PDE4D: variants seen among roughly 807,000 people sequenced by gnomAD.
PDE4D encodes the protein phosphodiesterase 4D, also known as 3',5'-cyclic-AMP phosphodiesterase 4D.
A neutral mutation model predicts 87.4 loss-of-function variants in PDE4D; 24 were observed. That is an observed-to-expected ratio of 0.27 (90% CI 0.20 to 0.39). The LOEUF (loss-of-function observed/expected upper bound fraction) is 0.39, where lower values mean the gene tolerates loss of function less well. PDE4D is among the 10% of genes least tolerant of loss of function. The pLI, the probability that PDE4D is intolerant of heterozygous loss-of-function variation, is 1.00. For synonymous variants in PDE4D, 384 were observed against 383.2 expected, an observed-to-expected ratio of 1.00 and a Z score of -0.02; for missense variants, 714 against 1,041.0, an observed-to-expected ratio of 0.69 and a Z score of 4.32.
chr5:59,955,415 G>A (rs1758719585), intron 3 of PDE4D, among the ~76,000 whole-genome samples: 1 of 152,082 alleles, frequency 6.6e-6, no homozygotes, highest in Non-Finnish European at 1.5e-5. Context: ...TGTTCAGTGG[G>A]TGCCTGCCAA....
intron 1 of PDE4D, among the ~76,000 whole-genome samples, chr5:59,437,230 T>G (rs577922519): frequency 6.6e-5 from 10 of 152,152 alleles, no homozygotes; most frequent in African/African-American, 2.4e-4. Flanking sequence ...TTAAATGGAG[T>G]GGCATTTTGC....
rs112984159 is a variant in PDE4D at position 59,243,724 on chromosome 5, T to C, written c.456-27756A>G. On this transcript the variant is annotated intron_variant, in intron 1 of 14. Transcript: ENST00000340635. ...ATCTGCCTGCCTCAGCCTCCCAAAG[T>C]GCTGGAATTACAGGCGTGAGCCACC... is the stretch of plus-strand genomic sequence containing the variant. Among the ~76,000 whole-genome samples the C allele has an allele frequency of 1.1e-4, 17 of 152,138 alleles. 1 individual carries two copies. Among genetic ancestry groups the C allele is most frequent in the African/African-American group, 4.1e-4 (17 of 41,512 alleles).
intron 1 of PDE4D, among the ~76,000 whole-genome samples, chr5:59,358,556 C>T (rs760111788): frequency 2.6e-5 from 4 of 152,060 alleles, no homozygotes; most frequent in East Asian, 1.9e-4. Flanking sequence ...TTTCCATTTT[C>T]GGCAGCTCTT....
At chr5:59,317,670 C>T (rs1220380772) in intron 1 of PDE4D, among the ~76,000 whole-genome samples, 1 of 152,078 alleles carries the variant, frequency 6.6e-6, no homozygotes, top group Non-Finnish European at 1.5e-5. Context: ...ACACAGTGAA[C>T]CAGCAGAAGA....
intron 1 of PDE4D, among the ~76,000 whole-genome samples, chr5:59,762,208 ATATGTGTATATGGGTACACATATGCG>A (rs1226864483): frequency 7.4e-6 from 1 of 135,226 alleles, no homozygotes; most frequent in Non-Finnish European, 1.7e-5. Flanking sequence ...ACATATGCGT[ATATGTGTATATGGGTACACATATGCG>A]TATATGTGTA....
intron 1 of PDE4D, among the ~76,000 whole-genome samples, chr5:60,195,880 T>G (rs1741159888): frequency 6.6e-6 from 1 of 151,768 alleles, no homozygotes; most frequent in African/African-American, 2.4e-5. Flanking sequence ...ACTGATGTTT[T>G]TCCCCACGTA....
Position 60,172,500 on chromosome 5 carries a change from G to T in PDE4D, c.42+13057C>A, listed in dbSNP as rs77696183. Among the ~76,000 whole-genome samples the T allele has an allele frequency of 2.0e-3, 309 of 152,066 alleles. 6 individuals are homozygous for T. Among genetic ancestry groups the T allele is most frequent in the Admixed American group, 0.016 (243 of 15,248 alleles). Reference sequence around the variant, plus strand: ...TTGTTCCAATTCCACAGCAATCATTGCTTTCACTCTGCCCCTGCTACCTTT... The same window carrying T: ...TTGTTCCAATTCCACAGCAATCATTTCTTTCACTCTGCCCCTGCTACCTTT... On this transcript the variant is annotated intron_variant, in intron 2 of 16. Transcript: ENST00000502484.
In PDE4D at chr5:59,535,185, A is replaced by G. The variant is rs116606396; in HGVS notation, c.456-319217T>C. On this transcript the variant is annotated intron_variant, in intron 1 of 14. Coordinates refer to ENST00000340635, the MANE Select transcript of PDE4D (RefSeq NM_001104631.2). ...TGGGAGTCCGAGCAAGTAGGGATGC[A>G]TTTCTTAACCAGCAGTTCTTTAAGT... 5.6e-3 allele frequency among the ~76,000 whole-genome samples: 859 copies of G among 152,114 alleles called. 16 individuals are homozygous for G. Among genetic ancestry groups the G allele is most frequent in the African/African-American group, 0.02 (835 of 41,478 alleles).
chr5:59,004,270 A>C (rs1751129161), intron 6 of PDE4D, among the ~76,000 whole-genome samples: 1 of 152,234 alleles, frequency 6.6e-6, no homozygotes, highest in Non-Finnish European at 1.5e-5. Context: ...ATAACTGATT[A>C]GCTGTGTGAC....
intron 1 of PDE4D, among the ~76,000 whole-genome samples, chr5:60,218,959 T>G (rs920790012): frequency 6.6e-6 from 1 of 152,154 alleles, no homozygotes; most frequent in Non-Finnish European, 1.5e-5. Context: ...TATCCACCTC[T>G]TCTAAAAGCA....
intron 2 of PDE4D, among the ~76,000 whole-genome samples, chr5:60,093,739 A>T (rs1775378575): frequency 6.6e-6 from 1 of 152,106 alleles, no homozygotes. Context: ...ATTAAAAAAT[A>T]ATTCTCCACT....
intron 2 of PDE4D, among the ~76,000 whole-genome samples, chr5:60,044,823 A>G (rs573924420): frequency 6.6e-6 from 1 of 152,340 alleles, no homozygotes; most frequent in Admixed American, 6.5e-5. Flanking sequence ...CACAATAAAC[A>G]TACGTGTGCA....
At chr5:60,309,428 AC>A (rs1318981644) in intron 1 of PDE4D, among the ~76,000 whole-genome samples, 2 of 152,202 alleles carry the variant, frequency 1.3e-5, no homozygotes, top group African/African-American at 4.8e-5. Context: ...GGATCCTGAA[AC>A]TTTGACATTA....
chr5:59,189,689 A>T (rs1440092811), intron 3 of PDE4D, among the ~76,000 whole-genome samples: 1 of 152,112 alleles, frequency 6.6e-6, no homozygotes, highest in Non-Finnish European at 1.5e-5. Context: ...TGCCGCGTGC[A>T]CTCCAGTGGG....
intron 1 of PDE4D, among the ~76,000 whole-genome samples, chr5:59,804,198 CCAAAGTCCATTATT>C (rs1323757118): frequency 6.6e-6 from 1 of 152,172 alleles, no homozygotes; most frequent in Admixed American, 6.5e-5. Context: ...TCCCCCATCC[CCAAAGTCCATTATT>C]CATTCTTATG....
rs143036884 is a variant in PDE4D, at chr5:60,037,663, C to G, written c.43-48946G>C. On this transcript the variant is annotated intron_variant, in intron 2 of 16. Transcript: ENST00000502484. Reference sequence around the variant, plus strand: ...CAGGTGATTCTAAAAATAATTAATACATTACCTAAATGAGTGTTTTGAAGG... The same window carrying G: ...CAGGTGATTCTAAAAATAATTAATAGATTACCTAAATGAGTGTTTTGAAGG... Among the ~76,000 whole-genome samples the G allele has an allele frequency of 6.7e-3, 1,024 of 152,240 alleles. 15 individuals carry two copies. Among genetic ancestry groups the G allele is most frequent in the African/African-American group, 0.024 (989 of 41,554 alleles).
chr5:60,043,189 G>C (rs1582329073), intron 2 of PDE4D, among the ~76,000 whole-genome samples: 2 of 151,564 alleles, frequency 1.3e-5, no homozygotes, highest in South Asian at 4.2e-4. Context: ...GCAGAAGAAA[G>C]GATATCAGAG....
At chr5:60,339,541 G>T (rs553549785) in intron 1 of PDE4D, among the ~76,000 whole-genome samples, 1 of 152,314 alleles carries the variant, frequency 6.6e-6, no homozygotes, top group East Asian at 1.9e-4. Context: ...ACGGTTGACT[G>T]CAGGTAACCG....
At position 59,612,804 on chromosome 5, in the gene PDE4D, G is replaced by A. The variant is rs544593327; in HGVS notation, c.455+280364C>T. Reference sequence around the variant, plus strand: ...CAGGCTGATGCAAGTTCTGGCTGAAGGACTTGAGAACATGAAGTACCTGAA... The same window carrying A: ...CAGGCTGATGCAAGTTCTGGCTGAAAGACTTGAGAACATGAAGTACCTGAA... On this transcript the variant is annotated intron_variant, in intron 1 of 14. Transcript: ENST00000340635. Among the ~76,000 whole-genome samples, 185 of 152,226 alleles carry A rather than the reference G, an allele frequency of 1.2e-3. 1 individual carries two copies. Among genetic ancestry groups the A allele is most frequent in the African/African-American group, 4.3e-3 (179 of 41,538 alleles).
Sources: gnomAD v4.1 joint callset for allele counts (sites outside exome capture counted in the v4.1 genomes callset) on GRCh38, gnomAD v4.1.1 for gene constraint, MANE v1.5 for transcripts, NCBI Gene and HGNC (gene_info 2026-07-23, HGNC 2026-07-21) for gene names.